The following ZNF485 variants were observed in gnomAD, a reference collection of about 807,000 sequenced individuals.
ZNF485 encodes Zinc finger protein 93 (Zinc finger protein HTF34).
In ZNF485, 9 loss-of-function variants were observed where a neutral mutation model predicts 10.8. That is an observed-to-expected ratio of 0.83 (90% CI 0.50 to 1.45). The LOEUF (loss-of-function observed/expected upper bound fraction) is 1.45, where lower values mean the gene tolerates loss of function less well. Ranked by LOEUF, ZNF485 falls within the 40% of genes most tolerant of loss-of-function variation. The pLI, the probability that ZNF485 is intolerant of heterozygous loss-of-function variation, is 0.00. For synonymous variants in ZNF485, 187 were observed against 181.0 expected, an observed-to-expected ratio of 1.03 and a Z score of -0.27; for missense variants, 487 against 528.0, an observed-to-expected ratio of 0.92 and a Z score of 0.76.
rs1442609656 is a variant in ZNF485 at position 43,607,084 on chromosome 10, A to G, written c.24+10A>G. On this transcript the variant is annotated intron_variant, in intron 2 of 4. Coordinates refer to ENST00000361807, the MANE Select transcript of ZNF485 (RefSeq NM_145312.4). ...AAGAGCCCAGATCCAGGCAAGTTTG[A>G]TTTTTCCATTTCTTGAGAAACCACG... The G allele has an allele frequency of 5.2e-6, 8 of 1,551,294 alleles. No individual in the cohort carries two copies. The South Asian group carries it at 9.5e-5, about 18-fold the overall frequency.
intron 4 of ZNF485, among the ~76,000 whole-genome samples, chr10:43,614,230 C>A (rs2132352173): frequency 6.6e-6 from 1 of 151,628 alleles, no homozygotes; most frequent in Admixed American, 6.6e-5. Context: ...AAAAAAAAGA[C>A]CTTTTAGAAT....
At chr10:43,610,167 CTTT>C (rs1381363329) in intron 4 of ZNF485, among the ~76,000 whole-genome samples, 1 of 152,114 alleles carries the variant, frequency 6.6e-6, no homozygotes, top group Non-Finnish European at 1.5e-5. Flanking sequence ...TAGGGATCTT[CTTT>C]TATTTGTCTT....
chr10:43,614,151 G>A (rs535717607), intron 4 of ZNF485, among the ~76,000 whole-genome samples: 1 of 151,836 alleles, frequency 6.6e-6, no homozygotes, highest in Non-Finnish European at 1.5e-5. Context: ...GGAGGTGGAG[G>A]TTGCAGTGAG....
rs1564484898 is a variant in ZNF485 at position 43,617,174 on chromosome 10, T to G, written c.1131T>G (p.Thr377=). The change falls in exon 5 of 5, where the codon ACT becomes ACG. Residue 377 remains threonine, a synonymous_variant. Transcript: ENST00000361807. ...STLTGHQRIH[T]GEKPYHCKKC... is the part of the protein sequence containing the mutation. ...TTACTGGACATCAGAGAATTCATAC[T>G]GGAGAAAAACCCTATCACTGTAAGA... The G allele has an allele frequency of 6.2e-7, 1 of 1,614,184 alleles. No individual in the cohort carries two copies. Among genetic ancestry groups the G allele is most frequent in the Non-Finnish European group, 8.5e-7 (1 of 1,180,030 alleles).
chr10:43,616,185 A>G (rs1028420810), intron 4 of ZNF485, 106 bp from the exon 5 acceptor site: 1 of 922,644 alleles, frequency 1.1e-6, no homozygotes, highest in East Asian at 2.5e-5. Flanking sequence ...ATAATTTTTC[A>G]TAACCTTTAG....
At chr10:43,610,228 T>C (rs2132348263) in intron 4 of ZNF485, among the ~76,000 whole-genome samples, 1 of 152,326 alleles carries the variant, frequency 6.6e-6, no homozygotes, top group Non-Finnish European at 1.5e-5. Context: ...GTGTATACTT[T>C]GTATATGTTT....
Position 43,607,050 on chromosome 10 carries a change from G to A in ZNF485, c.-1G>A, listed in dbSNP as rs201767643. The A allele has an allele frequency of 6.4e-7, 1 of 1,551,838 alleles. No individual in the cohort carries two copies. Among genetic ancestry groups the A allele is most frequent in the South Asian group, 1.2e-5 (1 of 84,058 alleles). On this transcript the variant is annotated 5_prime_UTR_variant, in exon 2 of 5. Transcript: ENST00000361807. ...GCCTGGGAGAACAGTTCAGGAGACA[G>A]ATGGCCCCAAGAGCCCAGATCCAGG...
chr10:43,609,161 G>T, intron 3 of ZNF485, 94 bp from the exon 4 acceptor site: 1 of 950,526 alleles, frequency 1.1e-6, no homozygotes, highest in Middle Eastern at 2.1e-4. Flanking sequence ...TGACACTGAG[G>T]TCTGGAGTGA....
chr10:43,614,815 C>T (rs1290677566), intron 4 of ZNF485, among the ~76,000 whole-genome samples: 1 of 151,754 alleles, frequency 6.6e-6, no homozygotes, highest in African/African-American at 2.4e-5. Context: ...ATTTACCATC[C>T]TCTTAGAATG....
intron 4 of ZNF485, among the ~76,000 whole-genome samples, chr10:43,611,835 G>T (rs3123682): frequency 1 from 152,374 of 152,378 alleles, 76,185 homozygotes; most frequent in Middle Eastern, 1. Flanking sequence ...GTTTTACTGT[G>T]AGATTGTTGG....
intron 4 of ZNF485, 136 bp from the exon 5 acceptor site, chr10:43,616,155 A>G (rs1838851646): frequency 4.8e-6 from 3 of 630,012 alleles, no homozygotes; most frequent in Non-Finnish European, 7.6e-6. Flanking sequence ...CTCAGCAAGA[A>G]TCACAAGTGG....
In ZNF485 at chr10:43,608,655, G is replaced by C; in HGVS notation, c.66G>C (p.Arg22=). ...GGGATGTGGCTGTGGCCTTTACCCG[G>C]ATTGAGTGGAGACACCTGGATGCTG... is the stretch of plus-strand genomic sequence containing the variant. ...TFGDVAVAFT[R]IEWRHLDAAQ... Residue 22 remains arginine, a synonymous_variant, in exon 3 of 5, where the codon CGG becomes CGC. Transcript: ENST00000361807. 1 of 1,614,122 alleles carries C rather than the reference G, an allele frequency of 6.2e-7. No individual in the cohort carries two copies.
At chr10:43,611,585 T>G (rs1301113635) in intron 4 of ZNF485, among the ~76,000 whole-genome samples, 1 of 152,218 alleles carries the variant, frequency 6.6e-6, no homozygotes, top group Non-Finnish European at 1.5e-5. Flanking sequence ...GGTGGGTATT[T>G]CCGCTATTCA....
At chr10:43,613,350 A>T (rs1021049713) in intron 4 of ZNF485, among the ~76,000 whole-genome samples, 1 of 152,152 alleles carries the variant, frequency 6.6e-6, no homozygotes, top group African/African-American at 2.4e-5. Context: ...AGTACATATA[A>T]TTTTTGGTCT....
At chr10:43,615,434 C>T (rs1308003387) in intron 4 of ZNF485, among the ~76,000 whole-genome samples, 2 of 152,036 alleles carry the variant, frequency 1.3e-5, no homozygotes, top group Non-Finnish European at 2.9e-5. Flanking sequence ...CAGAGTCTTG[C>T]TCTGTCACCT....
chr10:43,611,423 T>G (rs190238309), intron 4 of ZNF485, among the ~76,000 whole-genome samples: 1 of 152,146 alleles, frequency 6.6e-6, no homozygotes, highest in Non-Finnish European at 1.5e-5. Context: ...CTATAATTTA[T>G]GTAATCAGTT....
rs1838891556 is a variant in ZNF485, at chr10:43,617,633, C to T, written c.*264C>T. 3.3e-6 allele frequency: 1 copy of T among 304,610 alleles called. No individual in the cohort carries two copies. The highest frequency in any genetic ancestry group is 6.1e-6 in the Non-Finnish European group (1 of 164,276). 18.9% of individuals were successfully genotyped at this position (304,610 alleles called of 1,614,324 possible). ...ACAAAGCCAGGCATGGTGGCATATGCCTGTAGTCCCAGTTACTTGGGAGGC... is the reference window on the plus strand; with the variant it reads ...ACAAAGCCAGGCATGGTGGCATATGTCTGTAGTCCCAGTTACTTGGGAGGC... On this transcript the variant is annotated 3_prime_UTR_variant, in exon 5 of 5. Transcript: ENST00000361807.
At chr10:43,615,705 G>A (rs992612139) in intron 4 of ZNF485, among the ~76,000 whole-genome samples, 1 of 152,100 alleles carries the variant, frequency 6.6e-6, no homozygotes, top group African/African-American at 2.4e-5. Context: ...CCTGGCATAG[G>A]TATGTTGTTT....
At chr10:43,609,217 T>A (rs200072997) in intron 3 of ZNF485, 38 bp from the exon 4 acceptor site, 1 of 1,520,812 alleles carries the variant, frequency 6.6e-7, no homozygotes, top group Non-Finnish European at 9.1e-7. Flanking sequence ...CATTCATTTT[T>A]TTTTTCTTCC....
Sources: gnomAD v4.1 joint callset for allele counts (sites outside exome capture counted in the v4.1 genomes callset) on GRCh38, gnomAD v4.1.1 for gene constraint, MANE v1.5 for transcripts, NCBI Gene and HGNC (gene_info 2026-07-23, HGNC 2026-07-21) for gene names.